Variants in WDFY3 observed in about 807,000 individuals in gnomAD.
The protein encoded by WDFY3 is WD repeat and FYVE domain-containing protein 3.
In WDFY3, 66 loss-of-function variants were observed where a neutral mutation model predicts 409.6. The ratio of observed to expected loss-of-function variants is 0.16; its 90% CI spans 0.13 to 0.20. The LOEUF (loss-of-function observed/expected upper bound fraction) is 0.20. Ranked by LOEUF, WDFY3 falls within the 10% of genes least tolerant of loss-of-function variation. WDFY3 has a pLI of 1.00. For synonymous variants in WDFY3, 1,521 were observed against 1,537.1 expected (o/e 0.99, Z 0.25); for missense variants, 3,031 against 4,298.1 (o/e 0.71, Z 8.24).
intron 5 of WDFY3, among the ~76,000 whole-genome samples, chr4:84,847,787 A>C (rs1337681453): frequency 7.0e-6 from 1 of 143,692 alleles, no homozygotes; most frequent in African/African-American, 2.5e-5. Flanking sequence ...AAAAAAAAAA[A>C]ACCAAAAAAA....
intron 1 of WDFY3, among the ~76,000 whole-genome samples, chr4:84,940,795 A>C (rs968751457): frequency 6.6e-6 from 1 of 152,074 alleles, no homozygotes; most frequent in Non-Finnish European, 1.5e-5. Flanking sequence ...AGGAAACCAA[A>C]TCTGGCAACA....
intron 1 of WDFY3, among the ~76,000 whole-genome samples, chr4:84,937,309 A>G (rs932973438): frequency 1.2e-4 from 18 of 151,586 alleles, no homozygotes; most frequent in Non-Finnish European, 2.2e-4. Flanking sequence ...TCCAGAACCA[A>G]CTCTATTGGT....
At chr4:84,841,350 T>C (rs1260808174) in intron 5 of WDFY3, 87 bp from the exon 6 acceptor site, 37 of 1,092,966 alleles carry the variant, frequency 3.4e-5, no homozygotes, top group Non-Finnish European at 4.5e-5. Flanking sequence ...GAAATGAAAA[T>C]TTACTAAGCA....
Position 84,721,431 on chromosome 4 carries a change from C to T in WDFY3, c.7583G>A (p.Arg2528His), listed in dbSNP as rs1334967892. 6.2e-7 allele frequency: 1 copy of T among 1,613,686 alleles called. No homozygotes were observed. Among genetic ancestry groups the T allele is most frequent in the East Asian group, 2.2e-5 (1 of 44,882 alleles). ...EEKTDNATLL[R>H]LLEEGEKIQH... ...TACCTTTTCTCCTTCCTCTAACAGG[C>T]GCAGTAAGGTAGCATTATCTGTTTT... The change falls in exon 47 of 68, where the codon CGC becomes CAC. Residue 2528 changes from arginine to histidine, a missense_variant. By Grantham distance (29) the Arg-to-His change is conservative. Around this residue, in one of 16 missense-constraint regions of WDFY3, gnomAD observed 17 missense variants for 36.7 expected, o/e 0.46. Transcript: ENST00000295888.
At position 84,782,549 on chromosome 4, in the gene WDFY3, CCT is replaced by C. The variant is rs1232882097; in HGVS notation, c.4174+412_4174+413del. ...CTCTCCCTCCCCTTGGCCCACTTCC[CCT>C]GACAGGCCCTGGTATGTGATGTTCC... On this transcript the variant is annotated intron_variant, in intron 25 of 67. Coordinates refer to ENST00000295888, the MANE Select transcript of WDFY3 (RefSeq NM_014991.6). Among the ~76,000 whole-genome samples, 10 of 152,246 alleles carry C rather than the reference CCT, an allele frequency of 6.6e-5. No individual in the cohort carries two copies. The East Asian group carries it at 1.9e-3, about 29-fold the overall frequency.
intron 21 of WDFY3, among the ~76,000 whole-genome samples, chr4:84,791,336 G>C (rs1268394377): frequency 6.6e-6 from 1 of 152,120 alleles, no homozygotes; most frequent in Non-Finnish European, 1.5e-5. Context: ...CTTATATGAG[G>C]TATTTAAAAT....
intron 2 of WDFY3, among the ~76,000 whole-genome samples, chr4:84,915,164 A>G (rs1768315150): frequency 6.6e-6 from 1 of 152,174 alleles, no homozygotes; most frequent in Non-Finnish European, 1.5e-5. Flanking sequence ...GGTGGCTAGG[A>G]GCCAGGAGAG....
chr4:84,886,356 T>C (rs1764221432), intron 3 of WDFY3: 1 of 152,062 alleles, frequency 6.6e-6, no homozygotes, highest in South Asian at 2.1e-4. Flanking sequence ...GTGAACCACA[T>C]TTATTTGTTT....
chr4:84,748,593 A>G (rs1404913978), intron 36 of WDFY3, among the ~76,000 whole-genome samples: 1 of 152,090 alleles, frequency 6.6e-6, no homozygotes, highest in Admixed American at 6.6e-5. Context: ...TCTCAAACCC[A>G]TGCTCTAGCT....
At chr4:84,941,988 A>AATAC (rs1366865032) in intron 1 of WDFY3, among the ~76,000 whole-genome samples, 1 of 152,006 alleles carries the variant, frequency 6.6e-6, no homozygotes, top group Non-Finnish European at 1.5e-5. Context: ...TAAATAAATA[A>AATAC]ATAAAACTCA....
chr4:84,845,148 T>C (rs1308800523), intron 5 of WDFY3, among the ~76,000 whole-genome samples: 1 of 152,126 alleles, frequency 6.6e-6, no homozygotes, highest in Non-Finnish European at 1.5e-5. Flanking sequence ...GCTGATTAGG[T>C]AACACCCAAA....
intron 64 of WDFY3, among the ~76,000 whole-genome samples, chr4:84,680,272 C>A (rs1727132206): frequency 6.6e-6 from 1 of 151,600 alleles, no homozygotes; most frequent in African/African-American, 2.4e-5. Flanking sequence ...AGTGAATTAC[C>A]TTATTTTTAA....
At chr4:84,874,018 C>T (rs1332128434) in intron 3 of WDFY3, among the ~76,000 whole-genome samples, 3 of 151,660 alleles carry the variant, frequency 2.0e-5, no homozygotes, top group African/African-American at 7.3e-5. Context: ...TGGACTCAAG[C>T]AATTCACCCG....
chr4:84,734,959 G>T, intron 43 of WDFY3, 84 bp downstream of exon 43: 2 of 1,139,652 alleles, frequency 1.8e-6, no homozygotes, highest in Non-Finnish European at 2.6e-6. Context: ...ACCTTAAAAT[G>T]GGCAGAAAGA....
intron 56 of WDFY3, 136 bp downstream of exon 56, chr4:84,702,217 A>G: frequency 2.0e-6 from 2 of 1,002,506 alleles, no homozygotes; most frequent in Non-Finnish European, 2.8e-6. Context: ...ACCCAATTAC[A>G]GCAAATGACT....
chr4:84,937,151 C>T (rs1286609746), intron 1 of WDFY3, among the ~76,000 whole-genome samples: 1 of 152,132 alleles, frequency 6.6e-6, no homozygotes, highest in East Asian at 1.9e-4. Flanking sequence ...TCCAATTAGA[C>T]TTTTACTACA....
chr4:84,741,610 C>T, intron 38 of WDFY3, 151 bp downstream of exon 38: 1 of 930,088 alleles, frequency 1.1e-6, no homozygotes, highest in Non-Finnish European at 1.5e-6. Context: ...TCACTGCGCC[C>T]AGCCTGTCTC....
At chr4:84,771,254 C>G (rs1442377913) in intron 30 of WDFY3, among the ~76,000 whole-genome samples, 2 of 152,206 alleles carry the variant, frequency 1.3e-5, no homozygotes, top group African/African-American at 4.8e-5. Flanking sequence ...CCTCCCACTG[C>G]AGCCTTCTGA....
chr4:84,773,048 T>C, intron 29 of WDFY3, 119 bp from the exon 30 acceptor site: 2 of 685,580 alleles, frequency 2.9e-6, no homozygotes, highest in East Asian at 3.3e-5. Context: ...TTTTTTTTTT[T>C]CATAATCTCA....
Sources: allele counts gnomAD v4.1 joint callset (sites outside exome capture counted in the v4.1 genomes callset), GRCh38; gene constraint gnomAD v4.1.1; regional missense constraint gnomAD v4.1.1; transcripts MANE v1.5; gene names NCBI Gene and HGNC (gene_info 2026-07-23, HGNC 2026-07-21).